CADM2: variants seen among roughly 807,000 people sequenced by gnomAD.
The protein encoded by CADM2 is cell adhesion molecule 2.
A neutral mutation model predicts 49.8 loss-of-function variants in CADM2; 12 were observed. The observed-to-expected ratio is 0.24, with a 90% confidence interval of 0.15 to 0.39. The LOEUF (loss-of-function observed/expected upper bound fraction) is 0.39, where lower values mean the gene tolerates loss of function less well. Among genes scored for constraint, CADM2 ranks in the 10% least tolerant of loss-of-function variants. CADM2 has a pLI of 1.00. For synonymous variants in CADM2, 214 were observed against 175.4 expected (o/e 1.22, Z -1.74); for missense variants, 378 against 492.3 (o/e 0.77, Z 2.20).
At chr3:85,973,358 A>G (rs1356605203) in intron 8 of CADM2, among the ~76,000 whole-genome samples, 1 of 151,780 alleles carries the variant, frequency 6.6e-6, no homozygotes, top group Non-Finnish European at 1.5e-5. Flanking sequence ...AGCCTGGGCA[A>G]CATAGCAAGA....
At chr3:85,454,462 T>C (rs2037901182) in intron 1 of CADM2, among the ~76,000 whole-genome samples, 4 of 152,118 alleles carry the variant, frequency 2.6e-5, no homozygotes, top group Admixed American at 2.6e-4. Context: ...TGAGAGGCTA[T>C]GGTCAAGGGA....
At chr3:85,478,971 G>GTC (rs754123465) in intron 1 of CADM2, among the ~76,000 whole-genome samples, 8 of 151,574 alleles carry the variant, frequency 5.3e-5, no homozygotes, top group Non-Finnish European at 1.0e-4. Context: ...TAGAGACAGG[G>GTC]TCTCTCTCTA....
In CADM2 at chr3:85,345,148, C is replaced by T. The variant is rs181094839; in HGVS notation, c.62-381374C>T. On this transcript the variant is annotated intron_variant, in intron 1 of 9. Coordinates refer to ENST00000383699, the MANE Select transcript of CADM2 (RefSeq NM_001167675.2). Reference sequence around the variant, plus strand: ...CTGGACAACCTGCAAAGTCTTGTCTCTACTAAAAATACAAAAGTTAGCTGA... The same window carrying T: ...CTGGACAACCTGCAAAGTCTTGTCTTTACTAAAAATACAAAAGTTAGCTGA... 9.3e-4 allele frequency among the ~76,000 whole-genome samples: 141 copies of T among 151,508 alleles called. 1 individual carries two copies. Among genetic ancestry groups the T allele is most frequent in the Non-Finnish European group, 9.6e-4 (65 of 67,822 alleles).
intron 3 of CADM2, among the ~76,000 whole-genome samples, chr3:85,805,141 A>G (rs1489647779): frequency 6.6e-6 from 1 of 151,864 alleles, no homozygotes; most frequent in Non-Finnish European, 1.5e-5. Context: ...ACTGGGTTTC[A>G]CCATGTTATC....
chr3:85,719,022 C>T (rs1048597286), intron 1 of CADM2, among the ~76,000 whole-genome samples: 2 of 151,652 alleles, frequency 1.3e-5, no homozygotes, highest in African/African-American at 4.8e-5. Flanking sequence ...AAGCAATTCT[C>T]CTGTCTCAGC....
At chr3:85,935,892 T>C in intron 7 of CADM2, 35 bp downstream of exon 7, 1 of 1,288,684 alleles carries the variant, frequency 7.8e-7, no homozygotes, top group Non-Finnish European at 1.1e-6. Flanking sequence ...GCTTTTAACT[T>C]TTTTTCTTTT....
chr3:85,791,379 G>A lies in CADM2; in HGVS notation c.89-10668G>A, dbSNP rs571100370. Among the ~76,000 whole-genome samples, 5 of 152,210 alleles carry A rather than the reference G, an allele frequency of 3.3e-5. No individual in the cohort carries two copies. In the South Asian group the frequency reaches 1.0e-3, roughly 32 times the overall value. On this transcript the variant is annotated intron_variant, in intron 2 of 9. Transcript: ENST00000383699. ...CTTCAGTAATTTAGTGGAAGTAATA[G>A]CATGCTATGTGTGCATTTAGATATA...
At chr3:85,896,467 T>C (rs1351260465) in intron 5 of CADM2, among the ~76,000 whole-genome samples, 2 of 152,318 alleles carry the variant, frequency 1.3e-5, no homozygotes, top group Admixed American at 1.3e-4. Flanking sequence ...CCATTTCTCA[T>C]GATGTGTACA....
intron 1 of CADM2, among the ~76,000 whole-genome samples, chr3:85,199,369 A>AGAGAGAGAGAGAGAGAGAGAGAGAG (rs1559716313): frequency 1.1e-5 from 1 of 91,968 alleles, no homozygotes; most frequent in African/African-American, 3.7e-5. Flanking sequence ...GTGTGTGTGT[A>AGAGAGAGAGAGAGAGAGAGAGAGAG]TGAGAGAGAG....
chr3:85,868,021 A>T (rs1212659650), intron 3 of CADM2, among the ~76,000 whole-genome samples: 7 of 152,100 alleles, frequency 4.6e-5, no homozygotes, highest in Non-Finnish European at 5.9e-5. Flanking sequence ...TTAAGGTACC[A>T]ACAATATAAT....
At chr3:85,733,827 C>T (rs1460762817) in intron 2 of CADM2, among the ~76,000 whole-genome samples, 1 of 152,100 alleles carries the variant, frequency 6.6e-6, no homozygotes, top group East Asian at 1.9e-4. Flanking sequence ...TTCTGGGACT[C>T]AATTCATTCA....
At chr3:85,931,608 C>T (rs1018744250) in intron 6 of CADM2, among the ~76,000 whole-genome samples, 1 of 152,050 alleles carries the variant, frequency 6.6e-6, no homozygotes, top group African/African-American at 2.4e-5. Flanking sequence ...GGTATCTGAT[C>T]AGATTTGAAG....
In CADM2 at chr3:85,576,120, G is replaced by T. The variant is rs541935817; in HGVS notation, c.62-150402G>T. ...GTGACACCTCTTAGTATAACTACCA[G>T]ATTGTCAACTTTGTTTTAACATAAT... On this transcript the variant is annotated intron_variant, in intron 1 of 9. Transcript: ENST00000383699. 4.6e-5 allele frequency among the ~76,000 whole-genome samples: 7 copies of T among 152,256 alleles called. 1 individual carries two copies. The South Asian group carries it at 1.5e-3, about 32-fold the overall frequency.
chr3:85,157,743 G>T (rs1276246511), intron 1 of CADM2, among the ~76,000 whole-genome samples: 2 of 151,872 alleles, frequency 1.3e-5, no homozygotes, highest in Admixed American at 1.3e-4. Context: ...AACCCTAGAA[G>T]AAAACCTAGG....
At chr3:86,029,086 G>A (rs1436757047) in intron 8 of CADM2, among the ~76,000 whole-genome samples, 2 of 152,248 alleles carry the variant, frequency 1.3e-5, no homozygotes, top group South Asian at 2.1e-4. Context: ...GAAAAGCTGT[G>A]CTTTCAAGTG....
At chr3:85,797,951 T>C (rs1352152071) in intron 2 of CADM2, among the ~76,000 whole-genome samples, 1 of 152,188 alleles carries the variant, frequency 6.6e-6, no homozygotes, top group Non-Finnish European at 1.5e-5. Context: ...TGAGTGCCAT[T>C]CTAACAGGCA....
chr3:85,110,608 C>T (rs892151973), intron 1 of CADM2, among the ~76,000 whole-genome samples: 2 of 151,826 alleles, frequency 1.3e-5, no homozygotes, highest in African/African-American at 4.8e-5. Flanking sequence ...AAGTAGGTGG[C>T]ACTGTTGGAC....
intron 2 of CADM2, among the ~76,000 whole-genome samples, chr3:85,791,550 G>A (rs966194084): frequency 2.4e-4 from 36 of 150,258 alleles, no homozygotes; most frequent in South Asian, 4.3e-4. Context: ...GAGAAAGAGA[G>A]AGAGAGAGAG....
chr3:85,960,215 C>G (rs1724644236), intron 7 of CADM2, among the ~76,000 whole-genome samples: 1 of 151,870 alleles, frequency 6.6e-6, no homozygotes, highest in South Asian at 2.1e-4. Context: ...CAACTTTTAT[C>G]CCTTCTACAA....
Sources: allele counts gnomAD v4.1 joint callset (sites outside exome capture counted in the v4.1 genomes callset), GRCh38; gene constraint gnomAD v4.1.1; transcripts MANE v1.5; gene names NCBI Gene and HGNC (gene_info 2026-07-23, HGNC 2026-07-21).